Variants in GRIK4 observed in about 807,000 individuals in gnomAD.
The protein encoded by GRIK4 is glutamate receptor ionotropic, kainate 4.
A neutral mutation model predicts 104.9 loss-of-function variants in GRIK4; 40 were observed. The observed-to-expected ratio is 0.38, with a 90% CI of 0.30 to 0.50. The LOEUF is 0.50. Among genes scored for constraint, GRIK4 ranks in the 20% least tolerant of loss-of-function variants. The pLI, the probability that GRIK4 is intolerant of heterozygous loss-of-function variation, is 0.93. For missense variants in GRIK4, 1,047 were observed against 1,308.1 expected, an observed-to-expected ratio of 0.80 and a Z score of 3.08; for synonymous variants, 485 against 524.9, an observed-to-expected ratio of 0.92 and a Z score of 1.04.
intron 11 of GRIK4, among the ~76,000 whole-genome samples, chr11:120,884,973 G>A (rs1955076526): frequency 1.3e-5 from 2 of 152,216 alleles, no homozygotes; most frequent in Admixed American, 1.3e-4. Flanking sequence ...CTTCCACCCG[G>A]GTGCTTCATT....
At chr11:120,672,851 T>A (rs986108061) in intron 3 of GRIK4, among the ~76,000 whole-genome samples, 5 of 152,240 alleles carry the variant, frequency 3.3e-5, no homozygotes, top group Admixed American at 6.5e-5. Context: ...TTTCTAAATA[T>A]ATAATCATGT....
chr11:120,781,147 T>G (rs1377214101), intron 3 of GRIK4, among the ~76,000 whole-genome samples: 14 of 151,950 alleles, frequency 9.2e-5, no homozygotes, highest in Admixed American at 2.0e-4. Context: ...TTTTTTTTTT[T>G]TGGTTTGTTT....
intron 3 of GRIK4, among the ~76,000 whole-genome samples, chr11:120,689,173 T>A (rs535338764): frequency 6.6e-6 from 1 of 152,136 alleles, no homozygotes; most frequent in East Asian, 1.9e-4. Flanking sequence ...ATAGTGCTGC[T>A]ACAATATTGA....
At chr11:120,729,038 A>G (rs1436573854) in intron 3 of GRIK4, among the ~76,000 whole-genome samples, 2 of 152,164 alleles carry the variant, frequency 1.3e-5, no homozygotes, top group Admixed American at 1.3e-4. Context: ...TGCCTGGTTT[A>G]TTACACTTAA....
chr11:120,776,788 G>T lies in GRIK4; in HGVS notation c.83-25905G>T, dbSNP rs375317874. ...CCTCTCGGTTCCTTGGTTCCTGTTG[G>T]CTGGAGGCCTTAGCACCTGGCGGTG... On this transcript the variant is annotated intron_variant, in intron 3 of 20. Transcript: ENST00000527524. Among the ~76,000 whole-genome samples, 15 of 152,352 alleles carry T rather than the reference G, an allele frequency of 9.8e-5. No individual in the cohort carries two copies. In the East Asian group the frequency reaches 1.5e-3, roughly 16 times the overall value.
At chr11:120,816,163 A>G (rs573770515) in intron 5 of GRIK4, among the ~76,000 whole-genome samples, 8 of 151,998 alleles carry the variant, frequency 5.3e-5, no homozygotes, top group African/African-American at 1.7e-4. Flanking sequence ...CCCCCTCCCT[A>G]TTCTGCCAAC....
chr11:120,591,464 T>C (rs1948732049), intron 1 of GRIK4, among the ~76,000 whole-genome samples: 1 of 152,148 alleles, frequency 6.6e-6, no homozygotes, highest in Admixed American at 6.5e-5. Flanking sequence ...ATGTTCACTC[T>C]TCCTCTTGGT....
intron 19 of GRIK4, among the ~76,000 whole-genome samples, chr11:120,975,494 T>C (rs2134777471): frequency 6.6e-6 from 1 of 152,216 alleles, no homozygotes; most frequent in Middle Eastern, 3.4e-3. Flanking sequence ...CAGAGGCAAA[T>C]GGTGGCCCCA....
intron 8 of GRIK4, among the ~76,000 whole-genome samples, chr11:120,861,752 T>C (rs578063072): frequency 3.6e-4 from 55 of 152,090 alleles, no homozygotes; most frequent in African/African-American, 1.1e-3. Context: ...GAGATCATTC[T>C]GCTATTTTTT....
intron 1 of GRIK4, among the ~76,000 whole-genome samples, chr11:120,571,805 G>A (rs967167437): frequency 6.6e-6 from 1 of 152,198 alleles, no homozygotes; most frequent in African/African-American, 2.4e-5. Context: ...CCAGGTCTGT[G>A]AGGTGACCTG....
intron 1 of GRIK4, among the ~76,000 whole-genome samples, chr11:120,580,249 TTCTTTTTC>T (rs1202707459): frequency 1.4e-5 from 2 of 138,166 alleles, no homozygotes; most frequent in Non-Finnish European, 3.0e-5. Context: ...CTTTCTTTCT[TTCTTTTTC>T]TTTCTTTCTT....
At chr11:120,579,294 G>T (rs1051986004) in intron 1 of GRIK4, among the ~76,000 whole-genome samples, 8 of 152,038 alleles carry the variant, frequency 5.3e-5, no homozygotes, top group Admixed American at 2.0e-4. Context: ...GCTTTGTAGG[G>T]TGAACTGAGG....
At chr11:120,801,632 TTATC>T (rs1166559556) in intron 3 of GRIK4, among the ~76,000 whole-genome samples, 1 of 152,264 alleles carries the variant, frequency 6.6e-6, no homozygotes, top group African/African-American at 2.4e-5. Flanking sequence ...CCACATTTTT[TTATC>T]TATCAATCAA....
chr11:120,564,256 T>C (rs1479489594), intron 1 of GRIK4, among the ~76,000 whole-genome samples: 3 of 152,210 alleles, frequency 2.0e-5, no homozygotes, highest in African/African-American at 7.2e-5. Flanking sequence ...CGGGGGAAAA[T>C]GCTCTCATTG....
intron 3 of GRIK4, among the ~76,000 whole-genome samples, chr11:120,713,271 C>G (rs1950770586): frequency 6.6e-6 from 1 of 152,260 alleles, no homozygotes; most frequent in East Asian, 1.9e-4. Context: ...TTCTGCTGTT[C>G]ATTGGTTGTT....
At chr11:120,657,026 CA>C (rs1406742058) in intron 2 of GRIK4, among the ~76,000 whole-genome samples, 8 of 152,156 alleles carry the variant, frequency 5.3e-5, no homozygotes, top group African/African-American at 1.9e-4. Flanking sequence ...GCATGCTGAT[CA>C]GGCATAAATG....
At chr11:120,891,617 A>AT (rs1160008076) in intron 11 of GRIK4, among the ~76,000 whole-genome samples, 4 of 152,200 alleles carry the variant, frequency 2.6e-5, no homozygotes, top group Admixed American at 1.3e-4. Context: ...AGCATCTGTG[A>AT]TAAGCTAGGC....
chr11:120,533,707 G>A, intron 1 of GRIK4, among the ~76,000 whole-genome samples: 1 of 152,136 alleles, frequency 6.6e-6, no homozygotes, highest in Non-Finnish European at 1.5e-5. Context: ...GTGAAACCCT[G>A]TCTCTACAAA....
At chr11:120,518,196 A>G (rs1947753755) in intron 1 of GRIK4, among the ~76,000 whole-genome samples, 1 of 152,162 alleles carries the variant, frequency 6.6e-6, no homozygotes, top group South Asian at 2.1e-4. Flanking sequence ...GATCAGGTAC[A>G]TAGGACAAAT....
Sources: gnomAD v4.1 joint callset for allele counts (sites outside exome capture counted in the v4.1 genomes callset) on GRCh38, gnomAD v4.1.1 for gene constraint, MANE v1.5 for transcripts, NCBI Gene and HGNC (gene_info 2026-07-23, HGNC 2026-07-21) for gene names.